Variants in BCL7C observed in about 807,000 individuals in gnomAD.
BCL7C encodes B-cell CLL/lymphoma 7 protein family member C.
BCL7C carries 8 observed loss-of-function variants against 26.2 expected under a neutral mutation model. The ratio of observed to expected loss-of-function variants is 0.30; its 90% CI spans 0.18 to 0.55. The LOEUF is 0.55. Among genes scored for constraint, BCL7C ranks in the 20% least tolerant of loss-of-function variants. The pLI, the probability that BCL7C is intolerant of heterozygous loss-of-function variation, is 0.93. For missense variants in BCL7C, 262 were observed against 298.5 expected (o/e 0.88, Z 0.90); for synonymous variants, 90 against 116.5 (o/e 0.77, Z 1.47).
chr16:30,841,531 A>G (rs2054602112), intron 5 of BCL7C, among the ~76,000 whole-genome samples: 1 of 152,188 alleles, frequency 6.6e-6, no homozygotes, highest in Non-Finnish European at 1.5e-5. Context: ...TGGGAAATCT[A>G]GCGCCTATTG....
intron 5 of BCL7C, among the ~76,000 whole-genome samples, chr16:30,858,659 G>A (rs982313782): frequency 2.0e-5 from 3 of 152,094 alleles, no homozygotes; most frequent in African/African-American, 2.4e-5. Flanking sequence ...TGAGACACTC[G>A]GAGATACTGG....
chr16:30,883,148 A>T (rs1408770032), downstream of BCL7C, among the ~76,000 whole-genome samples: 1 of 152,114 alleles, frequency 6.6e-6, no homozygotes, highest in Non-Finnish European at 1.5e-5. Flanking sequence ...CAGTTCCCAG[A>T]CCAGGAAGAG....
rs550630022 is a variant in BCL7C, at chr16:30,834,290, G to A, written c.*658C>T. On this transcript the variant is annotated 3_prime_UTR_variant, in exon 6 of 6. Transcript: ENST00000380317. The surrounding 1 kb of genome is among the most constrained non-coding windows in gnomAD (Gnocchi z 4.3). Reference sequence around the variant, plus strand: ...GGCCGCTTGTCCACATGGGTTCCCAGGTTGGCCTGCTAGGCTGACACCCTG... The same window carrying A: ...GGCCGCTTGTCCACATGGGTTCCCAAGTTGGCCTGCTAGGCTGACACCCTG... 3 of 152,278 alleles carry A rather than the reference G, an allele frequency of 2.0e-5. No homozygotes were observed. The highest frequency in any genetic ancestry group is 4.4e-5 in the Non-Finnish European group (3 of 68,072). The allele number at this position is 152,278 out of a possible 1,614,324, so 9.4% of individuals were successfully genotyped here. A position where few individuals can be genotyped will look rare whatever the true frequency, so the allele number is the denominator to read the frequency against.
chr16:30,858,257 C>T lies in BCL7C; in HGVS notation c.529-23109G>A, dbSNP rs573018633. ...TCCCAGCCTCTCATTCCTTTCCAGA[C>T]CTAAGTCATTAGCGGACCCAGAGCT... On this transcript the variant is annotated intron_variant, in intron 5 of 5. Transcript: ENST00000380317. 3.3e-5 allele frequency among the ~76,000 whole-genome samples: 5 copies of T among 152,266 alleles called. No individual in the cohort carries two copies. The South Asian group carries it at 1.0e-3, about 32-fold the overall frequency.
intron 5 of BCL7C, among the ~76,000 whole-genome samples, chr16:30,881,072 A>G (rs2055035492): frequency 6.6e-6 from 1 of 151,970 alleles, no homozygotes; most frequent in South Asian, 2.1e-4. Context: ...GGGGGAAAAA[A>G]CCTGTGAATG....
At chr16:30,878,561 G>A (rs1295646250) in intron 5 of BCL7C, among the ~76,000 whole-genome samples, 2 of 150,270 alleles carry the variant, frequency 1.3e-5, no homozygotes, top group Non-Finnish European at 3.0e-5. Flanking sequence ...AATGTCTGGG[G>A]TGGCTGGGCG....
intron 5 of BCL7C, among the ~76,000 whole-genome samples, chr16:30,856,225 A>G (rs1374876948): frequency 6.6e-6 from 1 of 151,576 alleles, no homozygotes; most frequent in Non-Finnish European, 1.5e-5. Flanking sequence ...GCGGATCACG[A>G]GGTCAGGAGA....
Position 30,873,878 on chromosome 16 carries a change from TACAC to T in BCL7C, c.528+14978_528+14981del, listed in dbSNP as rs1297159091. On this transcript the variant is annotated intron_variant, in intron 5 of 5. Transcript: ENST00000380317. ...AAAAAAAAAATTGTACAGATATATA[TACAC>T]ACACACACATATAGAAAAATTATAT... Among the ~76,000 whole-genome samples, 6 of 146,428 alleles carry T rather than the reference TACAC, an allele frequency of 4.1e-5. No individual in the cohort carries two copies. In the Admixed American group the frequency reaches 4.1e-4, roughly 10 times the overall value.
intron 5 of BCL7C, among the ~76,000 whole-genome samples, chr16:30,856,956 TA>T (rs1414105590): frequency 6.6e-6 from 1 of 152,200 alleles, no homozygotes; most frequent in African/African-American, 2.4e-5. Context: ...GTCAGCCTCT[TA>T]TATCTCCAAC....
chr16:30,843,088 G>T (rs1467603258), intron 5 of BCL7C, among the ~76,000 whole-genome samples: 1 of 152,234 alleles, frequency 6.6e-6, no homozygotes, highest in African/African-American at 2.4e-5. Flanking sequence ...CCATGCGTTA[G>T]TATAGGTCTG....
rs900446059 is a variant in BCL7C at position 30,863,055 on chromosome 16, G to GC, written c.528+25804dup. Among the ~76,000 whole-genome samples, 37 of 151,816 alleles carry GC rather than the reference G, an allele frequency of 2.4e-4. 2 individuals are homozygous for GC. The highest frequency in any genetic ancestry group is 7.7e-4 in the African/African-American group (32 of 41,386). ...AACTTGACCTTACTGTTTTAGGCTG[G>GC]CCCCCCCACATTATTCCTGATAACA... On this transcript the variant is annotated intron_variant, in intron 5 of 5. Transcript: ENST00000380317.
chr16:30,845,532 C>T (rs2054628746), intron 5 of BCL7C, among the ~76,000 whole-genome samples: 1 of 152,140 alleles, frequency 6.6e-6, no homozygotes, highest in Non-Finnish European at 1.5e-5. Flanking sequence ...CACCTGATAC[C>T]CCAGAGGGCA....
chr16:30,864,047 A>C (rs1596596318), intron 5 of BCL7C, among the ~76,000 whole-genome samples: 1 of 151,320 alleles, frequency 6.6e-6, no homozygotes, highest in African/African-American at 2.4e-5. Flanking sequence ...AATCTCACTG[A>C]CTCTCTCCTA....
chr16:30,834,881 G>A lies in BCL7C; in HGVS notation c.*67C>T. The A allele has an allele frequency of 7.1e-7, 1 of 1,405,998 alleles. No individual in the cohort carries two copies. Among genetic ancestry groups the A allele is most frequent in the Admixed American group, 2.8e-5 (1 of 35,418 alleles). The allele number at this position is 1,405,998 out of a possible 1,614,324, so 87.1% of individuals were successfully genotyped here. A position where few individuals can be genotyped will look rare whatever the true frequency, so the allele number is the denominator to read the frequency against. On this transcript the variant is annotated 3_prime_UTR_variant, in exon 6 of 6. Coordinates refer to the BCL7C transcript ENST00000380317. The surrounding 1 kb of genome is among the most constrained non-coding windows in gnomAD (Gnocchi z 4.3). ...AAGCTCTTTCCGCCCTCGGGGCACA[G>A]GTAGTGGCTGGATCTTGGGGCAGCC...
chr16:30,893,789 C>T lies in BCL7C; in HGVS notation c.92+64G>A. The T allele has an allele frequency of 6.8e-7, 1 of 1,463,766 alleles. No individual in the cohort carries two copies. Among genetic ancestry groups the T allele is most frequent in the Non-Finnish European group, 9.4e-7 (1 of 1,061,098 alleles). 90.7% of individuals were successfully genotyped at this position (1,463,766 alleles called of 1,614,324 possible). Reference sequence around the variant, plus strand: ...CGGGGCCCAGAGCTGGCGAGGGCAGCGTAGACGCCTTTGGTGCTGGTGGTC... The same window carrying T: ...CGGGGCCCAGAGCTGGCGAGGGCAGTGTAGACGCCTTTGGTGCTGGTGGTC... On this transcript the variant is annotated intron_variant, in intron 1 of 5. Transcript: ENST00000215115. The surrounding 1 kb of genome is among the most constrained non-coding windows in gnomAD (Gnocchi z 5.2).
At chr16:30,884,168 T>G (rs981081390), downstream of BCL7C, among the ~76,000 whole-genome samples, 102 of 121,684 alleles carry the variant, frequency 8.4e-4, no homozygotes, top group Middle Eastern at 8.7e-3. Context: ...CATGAGAGGG[T>G]GGGGGCATGC....
At position 30,866,217 on chromosome 16, in the gene BCL7C, T is replaced by C. The variant is rs532077379; in HGVS notation, c.528+22643A>G. 2.0e-5 allele frequency among the ~76,000 whole-genome samples: 3 copies of C among 152,170 alleles called. No homozygotes were observed. In the South Asian group the frequency reaches 6.2e-4, roughly 32 times the overall value. ...TAATATTTTGATGGAGGAGGATTAT[T>C]TACCATGTATCCATAGAGCAATTTA... On this transcript the variant is annotated intron_variant, in intron 5 of 5. Coordinates refer to the BCL7C transcript ENST00000380317.
chr16:30,852,381 T>C (rs1306279593), intron 5 of BCL7C: 2 of 151,866 alleles, frequency 1.3e-5, no homozygotes, highest in Non-Finnish European at 2.9e-5. Context: ...AAGTGAGAAA[T>C]GACCATTAAA....
At chr16:30,891,113 G>A (rs1180415514) in intron 4 of BCL7C, among the ~76,000 whole-genome samples, 1 of 149,748 alleles carries the variant, frequency 6.7e-6, no homozygotes, top group East Asian at 2.0e-4. Flanking sequence ...AGTTTGCAGT[G>A]AGCCAAGATC....
Sources: gnomAD v4.1 joint callset for allele counts (sites outside exome capture counted in the v4.1 genomes callset) on GRCh38, gnomAD v4.1.1 for gene constraint, Gnocchi (gnomAD v3.1) non-coding constraint, MANE v1.5 for transcripts, NCBI Gene and HGNC (gene_info 2026-07-23, HGNC 2026-07-21) for gene names.